The following PRR16 variants were observed in gnomAD, a reference collection of about 807,000 sequenced individuals.
PRR16 encodes the protein protein Largen.
A neutral mutation model predicts 18.2 loss-of-function variants in PRR16; 6 were observed. The ratio of observed to expected loss-of-function variants is 0.33; its 90% CI spans 0.18 to 0.65. PRR16 has a LOEUF of 0.65. Among genes scored for constraint, PRR16 ranks in the 30% least tolerant of loss-of-function variants. PRR16 has a pLI of 0.74. For synonymous variants in PRR16, 151 were observed against 147.8 expected (o/e 1.02, Z -0.16); for missense variants, 412 against 376.6 (o/e 1.09, Z -0.78).
At chr5:120,556,795 A>C (rs1264843065) in intron 1 of PRR16, among the ~76,000 whole-genome samples, 1 of 151,822 alleles carries the variant, frequency 6.6e-6, no homozygotes, top group Non-Finnish European at 1.5e-5. Flanking sequence ...CTAATCCTCA[A>C]CCAGCTCTCT....
chr5:120,572,773 A>G (rs191213191), intron 1 of PRR16, among the ~76,000 whole-genome samples: 77 of 152,318 alleles, frequency 5.1e-4, no homozygotes, highest in African/African-American at 1.8e-3. Context: ...GAAGTAGAAG[A>G]ACCAAGGGAA....
chr5:120,655,744 T>G (rs994806521), intron 1 of PRR16, among the ~76,000 whole-genome samples: 1 of 151,218 alleles, frequency 6.6e-6, no homozygotes, highest in Non-Finnish European at 1.5e-5. Context: ...TTTGTTTTTT[T>G]TTTTCTGAAT....
chr5:120,649,276 A>AT (rs1561593220), intron 1 of PRR16, among the ~76,000 whole-genome samples: 2 of 152,164 alleles, frequency 1.3e-5, no homozygotes, highest in East Asian at 3.9e-4. Flanking sequence ...AAACAGTGGT[A>AT]TTTTTCTCTA....
the PRR16 span, among the ~76,000 whole-genome samples, chr5:120,746,920 G>A: frequency 3.3e-5 from 5 of 152,078 alleles, no homozygotes; most frequent in East Asian, 9.6e-4. Flanking sequence ...GTCCAACATA[G>A]TTATTGGATA....
intron 1 of PRR16, among the ~76,000 whole-genome samples, chr5:120,539,162 G>A (rs192118323): frequency 1.1e-3 from 163 of 152,024 alleles, no homozygotes; most frequent in African/African-American, 3.7e-3. Flanking sequence ...AGGTTCTCAT[G>A]AATATTTTCT....
the PRR16 span, among the ~76,000 whole-genome samples, chr5:120,788,351 T>C: frequency 6.6e-6 from 1 of 152,130 alleles, no homozygotes; most frequent in Non-Finnish European, 1.5e-5. Flanking sequence ...AAGACTCCCA[T>C]ATTACATAAC....
chr5:120,745,039 G>C, the PRR16 span, among the ~76,000 whole-genome samples: 1 of 152,192 alleles, frequency 6.6e-6, no homozygotes, highest in Admixed American at 6.5e-5. Flanking sequence ...TCAGAGAGCA[G>C]CTGCTGAAGC....
chr5:120,497,706 A>T (rs571152267), intron 1 of PRR16, among the ~76,000 whole-genome samples: 10 of 152,018 alleles, frequency 6.6e-5, no homozygotes, highest in Admixed American at 1.3e-4. Context: ...TTCTTTTATT[A>T]CATAATATTT....
chr5:120,579,665 G>T lies in PRR16; in HGVS notation c.160-106289G>T, dbSNP rs145236782. 9.2e-5 allele frequency among the ~76,000 whole-genome samples: 14 copies of T among 152,266 alleles called. 1 individual carries two copies. In the East Asian group the frequency reaches 2.7e-3, roughly 29 times the overall value. ...TAGCCTGTAATATAGTTTAAAGTCAGGTAGCATGTTGCCTCCAGCTCTGTT... is the reference window on the plus strand; with the variant it reads ...TAGCCTGTAATATAGTTTAAAGTCATGTAGCATGTTGCCTCCAGCTCTGTT... On this transcript the variant is annotated intron_variant, in intron 1 of 1. Coordinates refer to ENST00000407149, the MANE Select transcript of PRR16 (RefSeq NM_001300783.2).
chr5:120,756,382 C>T, the PRR16 span, among the ~76,000 whole-genome samples: 8 of 152,242 alleles, frequency 5.3e-5, 1 homozygote, highest in Admixed American at 4.6e-4. Context: ...AAACTGCCTT[C>T]CAAAGTGGTT....
At chr5:120,707,006 G>T in the PRR16 span, among the ~76,000 whole-genome samples, 1 of 152,160 alleles carries the variant, frequency 6.6e-6, no homozygotes, top group Non-Finnish European at 1.5e-5. Context: ...TCAAAGGAAT[G>T]GTTCCCAGAT....
At chr5:120,650,190 C>A (rs1409011437) in intron 1 of PRR16, among the ~76,000 whole-genome samples, 1 of 150,220 alleles carries the variant, frequency 6.7e-6, no homozygotes, top group Non-Finnish European at 1.5e-5. Context: ...GCACTCCAGC[C>A]TGGTGACAGA....
At position 120,536,740 on chromosome 5, in the gene PRR16, C is replaced by T. The variant is rs181444692; in HGVS notation, c.159+72095C>T. Among the ~76,000 whole-genome samples, 47 of 152,248 alleles carry T rather than the reference C, an allele frequency of 3.1e-4. 1 individual carries two copies. In the East Asian group the frequency reaches 7.5e-3, roughly 24 times the overall value. The stretch of plus-strand genomic sequence containing the variant: ...GCCTTTGATCCACTAATATAGTTCC[C>T]TTTGTTTAAGATTTACTTAGATTAA... On this transcript the variant is annotated intron_variant, in intron 1 of 1. Coordinates refer to ENST00000407149, the MANE Select transcript of PRR16 (RefSeq NM_001300783.2).
At chr5:120,615,685 T>C (rs1275951388) in intron 1 of PRR16, among the ~76,000 whole-genome samples, 1 of 152,144 alleles carries the variant, frequency 6.6e-6, no homozygotes, top group Non-Finnish European at 1.5e-5. Flanking sequence ...AATGCCTGCA[T>C]ACTCTATTCA....
chr5:120,581,430 A>G (rs1388830489), intron 1 of PRR16, among the ~76,000 whole-genome samples: 2 of 152,094 alleles, frequency 1.3e-5, no homozygotes, highest in African/African-American at 2.4e-5. Context: ...TAGTCTAGCT[A>G]GCAGTCTATC....
At chr5:120,523,145 T>C (rs1751241238) in intron 1 of PRR16, among the ~76,000 whole-genome samples, 2 of 152,198 alleles carry the variant, frequency 1.3e-5, no homozygotes, top group Admixed American at 6.5e-5. Flanking sequence ...ATTTATTTGT[T>C]GCTATCTTAT....
At chr5:120,671,950 G>A (rs1219655975) in intron 1 of PRR16, among the ~76,000 whole-genome samples, 1 of 152,160 alleles carries the variant, frequency 6.6e-6, no homozygotes, top group Non-Finnish European at 1.5e-5. Flanking sequence ...ACACTTTGTT[G>A]TAAGACTTTT....
chr5:120,545,611 T>G (rs1029337635), intron 1 of PRR16, among the ~76,000 whole-genome samples: 3 of 152,076 alleles, frequency 2.0e-5, no homozygotes, highest in Non-Finnish European at 4.4e-5. Flanking sequence ...TTGAAAATGT[T>G]GCATGGTGTA....
At chr5:120,479,217 C>A (rs893751286) in intron 1 of PRR16, among the ~76,000 whole-genome samples, 1 of 152,106 alleles carries the variant, frequency 6.6e-6, no homozygotes, top group African/African-American at 2.4e-5. Flanking sequence ...AGTATATTGT[C>A]TAAGAACACA....
Sources: gnomAD v4.1 joint callset for allele counts (sites outside exome capture counted in the v4.1 genomes callset) on GRCh38, gnomAD v4.1.1 for gene constraint, MANE v1.5 for transcripts, NCBI Gene and HGNC (gene_info 2026-07-23, HGNC 2026-07-21) for gene names.